The following CPQ variants were observed in gnomAD, a reference collection of about 807,000 sequenced individuals.
The protein encoded by CPQ is carboxypeptidase Q.
A neutral mutation model predicts 45.7 loss-of-function variants in CPQ; 37 were observed. The observed-to-expected ratio is 0.81, with a 90% CI of 0.62 to 1.07. The LOEUF is 1.07. CPQ is among the 50% of genes least tolerant of loss of function. The pLI is 0.00. For synonymous variants in CPQ, 186 were observed against 205.8 expected (o/e 0.90, Z 0.82); for missense variants, 537 against 572.9 (o/e 0.94, Z 0.64).
chr8:97,022,883 G>A (rs1008106154), intron 5 of CPQ, among the ~76,000 whole-genome samples: 2 of 150,696 alleles, frequency 1.3e-5, no homozygotes, highest in Admixed American at 6.7e-5. Flanking sequence ...CACTGGCTAC[G>A]TACCCAGTGG....
At chr8:96,655,914 G>A (rs1317370060) in intron 1 of CPQ, among the ~76,000 whole-genome samples, 1 of 152,212 alleles carries the variant, frequency 6.6e-6, no homozygotes, top group Non-Finnish European at 1.5e-5. Flanking sequence ...GAGTGCAGTG[G>A]TATAATGACA....
intron 4 of CPQ, among the ~76,000 whole-genome samples, chr8:96,887,110 C>G (rs1017668980): frequency 6.6e-6 from 1 of 152,148 alleles, no homozygotes; most frequent in Non-Finnish European, 1.5e-5. Flanking sequence ...TTCCCCTGTG[C>G]CTCTTTTCAC....
intron 1 of CPQ, among the ~76,000 whole-genome samples, chr8:96,694,368 C>T (rs555562638): frequency 1.3e-5 from 2 of 151,714 alleles, no homozygotes; most frequent in East Asian, 3.9e-4. Flanking sequence ...TATCTGTTAC[C>T]TGCTGGAAAC....
chr8:97,142,394 T>C (rs755185059), intron 7 of CPQ, among the ~76,000 whole-genome samples: 1 of 152,194 alleles, frequency 6.6e-6, no homozygotes, highest in Non-Finnish European at 1.5e-5. Context: ...GGGCAGAGAC[T>C]CCTGCTGGTG....
intron 1 of CPQ, among the ~76,000 whole-genome samples, chr8:96,742,153 G>T (rs1362746325): frequency 2.7e-5 from 4 of 150,080 alleles, no homozygotes; most frequent in Non-Finnish European, 4.5e-5. Flanking sequence ...ATGAATCTGG[G>T]TGCTCCTGTA....
chr8:96,873,838 C>G (rs1045646174), intron 3 of CPQ, among the ~76,000 whole-genome samples: 1 of 151,776 alleles, frequency 6.6e-6, no homozygotes, highest in Non-Finnish European at 1.5e-5. Context: ...TATAAGCTGA[C>G]ACTCACTTTC....
chr8:97,041,805 T>C (rs568758281), intron 6 of CPQ, among the ~76,000 whole-genome samples: 1,742 of 152,330 alleles, frequency 0.011, 33 homozygotes, highest in African/African-American at 0.04. Context: ...TTGCGTATAT[T>C]GAACCAGCCT....
intron 7 of CPQ, among the ~76,000 whole-genome samples, chr8:97,085,656 A>T (rs1811028678): frequency 1.3e-5 from 2 of 152,106 alleles, no homozygotes; most frequent in African/African-American, 4.8e-5. Context: ...AGTAACATTA[A>T]TTTTTTTCAT....
At chr8:97,073,987 C>A (rs375395393) in intron 7 of CPQ, among the ~76,000 whole-genome samples, 3 of 152,274 alleles carry the variant, frequency 2.0e-5, no homozygotes, top group Non-Finnish European at 2.9e-5. Context: ...TGCAGTAGAT[C>A]TGCTTCAGCT....
At chr8:96,928,743 A>C (rs1812928228) in intron 4 of CPQ, among the ~76,000 whole-genome samples, 1 of 152,160 alleles carries the variant, frequency 6.6e-6, no homozygotes, top group African/African-American at 2.4e-5. Flanking sequence ...CTTCCTCTTC[A>C]TTGTGTTCAC....
chr8:96,699,011 T>C (rs1366432891), intron 1 of CPQ, among the ~76,000 whole-genome samples: 1 of 152,156 alleles, frequency 6.6e-6, no homozygotes, highest in Non-Finnish European at 1.5e-5. Context: ...ACTCAGTATA[T>C]TGAAGAGATA....
At chr8:96,669,199 T>C (rs545470472) in intron 1 of CPQ, among the ~76,000 whole-genome samples, 10 of 152,376 alleles carry the variant, frequency 6.6e-5, no homozygotes, top group South Asian at 4.1e-4. Context: ...GATCTTGGAC[T>C]TGTGGCCTAA....
intron 4 of CPQ, among the ~76,000 whole-genome samples, chr8:96,885,138 AG>A (rs1374215831): frequency 6.6e-6 from 1 of 152,254 alleles, no homozygotes; most frequent in African/African-American, 2.4e-5. Flanking sequence ...GCATGGCACC[AG>A]CAATTTGCAA....
intron 1 of CPQ, among the ~76,000 whole-genome samples, chr8:96,675,484 A>G (rs1485069249): frequency 1.3e-5 from 2 of 152,116 alleles, no homozygotes; most frequent in Non-Finnish European, 1.5e-5. Flanking sequence ...ATACATAAAC[A>G]TTTAAACTAT....
At chr8:96,792,238 A>G (rs569757292) in intron 2 of CPQ, among the ~76,000 whole-genome samples, 4 of 152,332 alleles carry the variant, frequency 2.6e-5, no homozygotes, top group African/African-American at 7.2e-5. Flanking sequence ...GAGAAAGCAC[A>G]ATCTCCAATC....
intron 2 of CPQ, among the ~76,000 whole-genome samples, chr8:96,797,754 T>C (rs1406335163): frequency 6.6e-6 from 1 of 151,748 alleles, no homozygotes; most frequent in African/African-American, 2.4e-5. Flanking sequence ...CCCTCACTAC[T>C]AAAAACTACA....
chr8:96,677,291 C>T (rs1809087910), intron 1 of CPQ, among the ~76,000 whole-genome samples: 1 of 152,138 alleles, frequency 6.6e-6, no homozygotes, highest in Non-Finnish European at 1.5e-5. Flanking sequence ...TTCCCACCAA[C>T]AGTTCTAAAA....
At chr8:96,967,160 TGG>T (rs1813580489) in intron 5 of CPQ, among the ~76,000 whole-genome samples, 5 of 152,172 alleles carry the variant, frequency 3.3e-5, no homozygotes, top group African/African-American at 1.2e-4. Flanking sequence ...CAGAAAGAAG[TGG>T]GTTCTAGAGG....
intron 6 of CPQ, among the ~76,000 whole-genome samples, chr8:97,064,372 T>C (rs77265293): frequency 0.021 from 3,139 of 152,290 alleles, 101 homozygotes; most frequent in African/African-American, 0.067. Flanking sequence ...ACTAGTTAAA[T>C]GAGCCCTGAA....
Sources: allele counts gnomAD v4.1 joint callset (sites outside exome capture counted in the v4.1 genomes callset), GRCh38; gene constraint gnomAD v4.1.1; transcripts MANE v1.5; gene names NCBI Gene and HGNC (gene_info 2026-07-23, HGNC 2026-07-21).